KDM5D: variants seen among roughly 807,000 people sequenced by gnomAD.
The protein encoded by KDM5D is lysine-specific demethylase 5D.
Under a neutral mutation model 31.9 loss-of-function variants are expected in KDM5D, and 25 were observed. The ratio of observed to expected loss-of-function variants is 0.78; its 90% CI spans 0.57 to 1.09. The LOEUF is 1.09. Ranked by LOEUF, KDM5D falls within the 50% of genes least tolerant of loss-of-function variation. The probability of loss-of-function intolerance (pLI) is 0.00; values close to 1 mark genes in which losing one functional copy is unlikely to be tolerated. For missense variants in KDM5D, 366 were observed against 341.6 expected (o/e 1.07, Z -0.56); for synonymous variants, 146 against 122.3 (o/e 1.19, Z -1.28).
intron 5 of KDM5D, among the ~76,000 whole-genome samples, chrY:19,739,873 G>A: frequency 2.9e-5 from 1 of 33,969 alleles, no homozygotes; most frequent in African/African-American, 1.2e-4. Flanking sequence ...ATGGTCTTTG[G>A]ACTGTATTGA....
In KDM5D at chrY:19,704,612, T is replaced by TA. The variant is rs2045217822; in HGVS notation, c.*1382dup. The stretch of plus-strand genomic sequence containing the variant: ...TTATAGGCATGAGAAATGCTATGGG[T>TA]AATAACGTGTTCTACACTGACTCAA... On this transcript the variant is annotated 3_prime_UTR_variant, in exon 27 of 27. Coordinates refer to ENST00000317961, the MANE Select transcript of KDM5D (RefSeq NM_004653.5). 3.1e-5 allele frequency: 1 copy of TA among 32,580 alleles called. No individual in the cohort carries two copies. Among genetic ancestry groups the TA allele is most frequent in the Admixed American group, 2.8e-4 (1 of 3,553 alleles). 8.1% of individuals were successfully genotyped at this position (32,580 alleles called of 400,897 possible). A position where few individuals can be genotyped will look rare whatever the true frequency, so the allele number is the denominator to read the frequency against.
intron 18 of KDM5D, among the ~76,000 whole-genome samples, chrY:19,711,909 C>A: frequency 3.0e-5 from 1 of 33,108 alleles, no homozygotes. Flanking sequence ...TTAAATCAGA[C>A]CATGCCACAT....
intron 11 of KDM5D, among the ~76,000 whole-genome samples, chrY:19,727,022 CA>C (rs2045439464): frequency 3.0e-5 from 1 of 33,340 alleles, no homozygotes; most frequent in East Asian, 7.8e-4. Flanking sequence ...CAAAGGACCT[CA>C]ACATGCTAGA....
Position 19,739,884 on chromosome Y carries a change from TATCA to T in KDM5D, c.523-226_523-223del, listed in dbSNP as rs2045536925. Reference sequence around the variant, plus strand: ...GAACATGGTCTTTGGACTGTATTGATATCAATCTGGGTTTTTACTCTTATTCTCT... The same window carrying T: ...GAACATGGTCTTTGGACTGTATTGATATCTGGGTTTTTACTCTTATTCTCT... On this transcript the variant is annotated intron_variant, in intron 5 of 26. Transcript: ENST00000317961. Among the ~76,000 whole-genome samples the T allele has an allele frequency of 1.2e-4, 4 of 34,212 alleles. No individual in the cohort carries two copies. In the East Asian group the frequency reaches 3.1e-3, roughly 26 times the overall value. 91.8% of individuals were successfully genotyped at this position (34,212 alleles called of 37,273 possible).
chrY:19,714,210 G>A, intron 18 of KDM5D, among the ~76,000 whole-genome samples: 1 of 33,005 alleles, frequency 3.0e-5, no homozygotes. Flanking sequence ...GGTACTGAAT[G>A]TAATACCTGG....
Position 19,715,728 on chromosome Y carries a change from G to A in KDM5D, c.2225C>T (p.Thr742Ile). Reference protein sequence around the residue: ...SSRQYLRYRYTLDELPTMLHK... With the variant: ...SSRQYLRYRYILDELPTMLHK... ...CAGCATGGTGGGGAGCTCATCCAAGGTGTACCGATACCTAGAGGAAGAAAG... is the reference window on the plus strand; with the variant it reads ...CAGCATGGTGGGGAGCTCATCCAAGATGTACCGATACCTAGAGGAAGAAAG... Residue 742 changes from threonine (T) to isoleucine (I), a missense_variant, in exon 17 of 27, where the codon ACC becomes ATC. Coordinates refer to ENST00000317961, the MANE Select transcript of KDM5D (RefSeq NM_004653.5). 1 of 398,366 alleles carries A rather than the reference G, an allele frequency of 2.5e-6. No homozygotes were observed.
At chrY:19,712,423 A>G (rs773842760) in intron 18 of KDM5D, among the ~76,000 whole-genome samples, 26 of 34,034 alleles carry the variant, frequency 7.6e-4, no homozygotes, top group African/African-American at 3.0e-3. Flanking sequence ...TGATGCTGAT[A>G]TAAACAACCC....
chrY:19,715,744 A>T lies in KDM5D; in HGVS notation c.2214-5T>A, dbSNP rs1389590475. On this transcript the variant is annotated splice_polypyrimidine_tract_variant and splice_region_variant and intron_variant, in intron 16 of 26. Transcript: ENST00000317961. ...TCATCCAAGGTGTACCGATACCTAG[A>T]GGAAGAAAGCCGGGAAGGGTACACA... 6 of 396,112 alleles carry T rather than the reference A, an allele frequency of 1.5e-5. No homozygotes were observed. The highest frequency in any genetic ancestry group is 2.1e-5 in the Non-Finnish European group (6 of 282,992).
chrY:19,709,549 G>A lies in KDM5D; in HGVS notation c.2844C>T (p.Ala948=). ...QGLLVMGAKI[A]SSPSVDKARA... Reference sequence around the variant, plus strand: ...GGGCCTTGTCCACAGAAGGGCTGGAGGCTATCTTGGCACCCATAACCAAAA... The same window carrying A: ...GGGCCTTGTCCACAGAAGGGCTGGAAGCTATCTTGGCACCCATAACCAAAA... Residue 948 remains alanine (A), a synonymous_variant, in exon 20 of 27, where the codon GCC becomes GCT. Transcript: ENST00000317961. 1 of 398,706 alleles carries A rather than the reference G, an allele frequency of 2.5e-6. No individual in the cohort carries two copies. The highest frequency in any genetic ancestry group is 3.5e-6 in the Non-Finnish European group (1 of 283,477).
At chrY:19,734,418 A>C in intron 8 of KDM5D, among the ~76,000 whole-genome samples, 2 of 34,126 alleles carry the variant, frequency 5.9e-5, no homozygotes, top group Admixed American at 5.3e-4. Context: ...AGAAGAAGCC[A>C]ATACAAAAGA....
intron 5 of KDM5D, among the ~76,000 whole-genome samples, chrY:19,740,140 C>CA (rs2045537518): frequency 6.0e-5 from 2 of 33,255 alleles, no homozygotes; most frequent in Non-Finnish European, 1.5e-4. Context: ...GCCTGGGTGA[C>CA]AGAGTGAGAC....
chrY:19,744,183 T>C, intron 2 of KDM5D, among the ~76,000 whole-genome samples: 1 of 33,566 alleles, frequency 3.0e-5, no homozygotes. Flanking sequence ...CCTACAGCAG[T>C]CAGATGTTTA....
At chrY:19,720,768 T>C in intron 13 of KDM5D, 104 bp downstream of exon 13, 2 of 241,561 alleles carry the variant, frequency 8.3e-6, no homozygotes, top group African/African-American at 7.7e-5. Flanking sequence ...CTAATCTCCA[T>C]AGCAAAATGG....
intron 11 of KDM5D, among the ~76,000 whole-genome samples, chrY:19,724,561 T>C: frequency 3.0e-5 from 1 of 33,195 alleles, no homozygotes; most frequent in African/African-American, 1.2e-4. Flanking sequence ...TGATGGAACA[T>C]TATCTCAAAA....
intron 9 of KDM5D, 152 bp downstream of exon 9, chrY:19,732,432 G>A: frequency 1.2e-5 from 2 of 163,960 alleles, no homozygotes; most frequent in South Asian, 5.3e-5. Flanking sequence ...GTGTTCAATC[G>A]TTCTTGTATA....
chrY:19,716,212 G>A lies in KDM5D; in HGVS notation c.2031+67C>T, dbSNP rs896697351. On this transcript the variant is annotated intron_variant, in intron 15 of 26. Transcript: ENST00000317961. ...ATCAGGCACACAGTGGTTACTCAATGTTGGTCTGTGTCTCTGTAACGTAAT... is the reference window on the plus strand; with the variant it reads ...ATCAGGCACACAGTGGTTACTCAATATTGGTCTGTGTCTCTGTAACGTAAT... 3.0e-5 allele frequency: 9 copies of A among 299,676 alleles called. No homozygotes were observed. The Admixed American group carries it at 3.8e-4, about 13-fold the overall frequency. 74.8% of individuals were successfully genotyped at this position (299,676 alleles called of 400,897 possible).
At chrY:19,730,667 A>C in intron 11 of KDM5D, among the ~76,000 whole-genome samples, 1 of 30,823 alleles carries the variant, frequency 3.2e-5, no homozygotes, top group Admixed American at 2.8e-4. Context: ...AAAAGAGGTA[A>C]ATTTTGTCCT....
chrY:19,720,746 G>T, intron 13 of KDM5D, 126 bp downstream of exon 13: 1 of 196,029 alleles, frequency 5.1e-6, no homozygotes, highest in Admixed American at 9.1e-5. Flanking sequence ...GCAAAGAGGT[G>T]TGATGCTAAG....
intron 11 of KDM5D, chrY:19,723,457 TA>T (rs1347380106): frequency 1.0e-5 from 1 of 96,077 alleles, no homozygotes; most frequent in South Asian, 6.1e-5. Context: ...TTAAAAATAT[TA>T]AAAAAGTATA....
Sources: allele counts gnomAD v4.1 joint callset (sites outside exome capture counted in the v4.1 genomes callset), GRCh38; gene constraint gnomAD v4.1.1; transcripts MANE v1.5; gene names NCBI Gene and HGNC (gene_info 2026-07-23, HGNC 2026-07-21).